VAPB: variants seen among roughly 807,000 people sequenced by gnomAD.
VAPB encodes VAMP associated protein B and C, also known as vesicle-associated membrane protein-associated protein B/C.
VAPB carries 7 observed loss-of-function variants against 25.6 expected under a neutral mutation model. That is an observed-to-expected ratio of 0.27 (90% CI 0.16 to 0.51). The LOEUF (loss-of-function observed/expected upper bound fraction) is 0.51, where lower values mean the gene tolerates loss of function less well. Among genes scored for constraint, VAPB ranks in the 20% least tolerant of loss-of-function variants. VAPB has a pLI of 0.97. For missense variants in VAPB, 266 were observed against 301.3 expected, an observed-to-expected ratio of 0.88 and a Z score of 0.87; for synonymous variants, 112 against 109.2, an observed-to-expected ratio of 1.03 and a Z score of -0.16.
In VAPB at chr20:58,450,315, A is replaced by G. The variant is rs1445112484; in HGVS notation, c.*6080A>G. The G allele has an allele frequency of 2.2e-6, 1 of 453,510 alleles. No homozygotes were observed. Among genetic ancestry groups the G allele is most frequent in the Non-Finnish European group, 4.4e-6 (1 of 226,614 alleles). The allele number at this position is 453,510 out of a possible 1,614,324, so 28.1% of individuals were successfully genotyped here. A position where few individuals can be genotyped will look rare whatever the true frequency, so the allele number is the denominator to read the frequency against. On this transcript the variant is annotated 3_prime_UTR_variant, in exon 6 of 6. Coordinates refer to ENST00000475243, the MANE Select transcript of VAPB (RefSeq NM_004738.5). ...GTACAAGAACTACTTTTTGCTTTTC[A>G]TCATTCACTCCTTAGCAAACGTTTC...
In VAPB at chr20:58,418,355, A is replaced by C; in HGVS notation, c.203A>C (p.Asn68Thr). 1.2e-6 allele frequency: 2 copies of C among 1,614,104 alleles called. No individual in the cohort carries two copies. The highest frequency in any genetic ancestry group is 2.2e-5 in the South Asian group (2 of 91,086). ...ATCATCGATGCAGGGGCCTCAATTA[A>C]TGTATCTGGTAAGTCCTGAGACTGG... is the stretch of plus-strand genomic sequence containing the variant. ...SGIIDAGASI[N>T]VSVMLQPFDY... The change falls in exon 2 of 6, where the codon AAT becomes ACT. Residue 68 changes from asparagine to threonine, a missense_variant. Around this residue, in one of 3 missense-constraint regions of VAPB, gnomAD observed 98 missense variants for 147.1 expected, o/e 0.67. Coordinates refer to ENST00000475243, the MANE Select transcript of VAPB (RefSeq NM_004738.5).
At chr20:58,419,347 T>G (rs6026256) in intron 2 of VAPB, among the ~76,000 whole-genome samples, 42,356 of 151,942 alleles carry the variant, frequency 0.28, 6,150 homozygotes, top group African/African-American at 0.34. Context: ...CTGCATCTCG[T>G]CTCTCTCATT....
In VAPB at chr20:58,389,498, G is replaced by A. The variant is rs1369098871; in HGVS notation, c.39G>A (p.Gln13=). The A allele has an allele frequency of 6.3e-7, 1 of 1,593,446 alleles. No homozygotes were observed. Among genetic ancestry groups the A allele is most frequent in the Non-Finnish European group, 8.5e-7 (1 of 1,170,972 alleles). ...KVEQVLSLEP[Q]HELKFRGPFT... ...AGCAGGTCCTGAGCCTCGAGCCGCAGCACGAGCTCAAATTCCGAGGTAAGC... is the reference window on the plus strand; with the variant it reads ...AGCAGGTCCTGAGCCTCGAGCCGCAACACGAGCTCAAATTCCGAGGTAAGC... The change falls in exon 1 of 6, where the codon CAG becomes CAA. Residue 13 remains glutamine, a synonymous_variant. Transcript: ENST00000475243.
At chr20:58,415,286 A>G (rs549687727) in intron 1 of VAPB, among the ~76,000 whole-genome samples, 72 of 152,272 alleles carry the variant, frequency 4.7e-4, no homozygotes, top group Non-Finnish European at 8.4e-4. Context: ...CAGCATGTCA[A>G]GGAATTCATT....
chr20:58,411,383 G>A (rs1414734286), intron 1 of VAPB, among the ~76,000 whole-genome samples: 4 of 152,240 alleles, frequency 2.6e-5, no homozygotes, highest in Non-Finnish European at 5.9e-5. Context: ...CCGGGTTCAA[G>A]TGATCCTCCT....
In VAPB at chr20:58,450,269, T is replaced by C; in HGVS notation, c.*6034T>C. 1 of 452,732 alleles carries C rather than the reference T, an allele frequency of 2.2e-6. No individual in the cohort carries two copies. Among genetic ancestry groups the C allele is most frequent in the Non-Finnish European group, 4.4e-6 (1 of 225,844 alleles). 28.0% of individuals were successfully genotyped at this position (452,732 alleles called of 1,614,324 possible). A position where few individuals can be genotyped will look rare whatever the true frequency, so the allele number is the denominator to read the frequency against. ...TGAATTCAAAGGTCAGAATTTATTG[T>C]CTGTGATATTGAGACCATGTGTACA... On this transcript the variant is annotated 3_prime_UTR_variant, in exon 6 of 6. Transcript: ENST00000475243.
rs1300446112 is a variant in VAPB at position 58,389,516 on chromosome 20, A to C, written c.57A>C (p.Arg19=). ...AGCCGCAGCACGAGCTCAAATTCCG[A>C]GGTAAGCCCCAGAGGCCGCCACCTT... ...SLEPQHELKF[R]GPFTDVVTTN... Residue 19 remains arginine, a splice_region_variant and synonymous_variant, in exon 1 of 6, where the codon CGA becomes CGC. Coordinates refer to ENST00000475243, the MANE Select transcript of VAPB (RefSeq NM_004738.5). 2 of 1,586,720 alleles carry C rather than the reference A, an allele frequency of 1.3e-6. No individual in the cohort carries two copies. Among genetic ancestry groups the C allele is most frequent in the South Asian group, 2.3e-5 (2 of 86,560 alleles).
chr20:58,446,225 TATAAA>T lies in VAPB; in HGVS notation c.*1992_*1996del, dbSNP rs1568723503. On this transcript the variant is annotated 3_prime_UTR_variant, in exon 6 of 6. Coordinates refer to ENST00000475243, the MANE Select transcript of VAPB (RefSeq NM_004738.5). ...TTTTTCCCATGTGTCCCCCAGTACT[TATAAA>T]AGGGAGTGAAAAGACCGAGCTGTAA... 6.6e-6 allele frequency: 3 copies of T among 454,060 alleles called. No homozygotes were observed. The Admixed American group carries it at 7.0e-5, about 11-fold the overall frequency. The allele number at this position is 454,060 out of a possible 1,614,324, so 28.1% of individuals were successfully genotyped here.
chr20:58,433,791 G>A (rs957180406), intron 2 of VAPB, among the ~76,000 whole-genome samples: 1 of 152,258 alleles, frequency 6.6e-6, no homozygotes, highest in Admixed American at 6.5e-5. Flanking sequence ...CAAGGCCACA[G>A]TAGGCTTTCC....
At chr20:58,394,178 C>T (rs571721606) in intron 1 of VAPB, among the ~76,000 whole-genome samples, 1 of 152,274 alleles carries the variant, frequency 6.6e-6, no homozygotes, top group Admixed American at 6.5e-5. Flanking sequence ...AGTTGAGTAC[C>T]ACTTTTGGGA....
intron 5 of VAPB, among the ~76,000 whole-genome samples, chr20:58,442,888 C>T (rs781766029): frequency 1.3e-5 from 2 of 152,012 alleles, no homozygotes; most frequent in Admixed American, 6.5e-5. Flanking sequence ...TGGAAGGAAA[C>T]GAAGAAAAGA....
intron 2 of VAPB, among the ~76,000 whole-genome samples, chr20:58,420,633 A>G (rs1463259644): frequency 6.6e-6 from 1 of 152,170 alleles, no homozygotes; most frequent in African/African-American, 2.4e-5. Flanking sequence ...TATTTGGGGG[A>G]AAAAGTAGTT....
At chr20:58,407,600 C>T (rs993139269) in intron 1 of VAPB, among the ~76,000 whole-genome samples, 2 of 151,366 alleles carry the variant, frequency 1.3e-5, no homozygotes, top group African/African-American at 4.9e-5. Flanking sequence ...TAAAACTTCA[C>T]TAATAATTTA....
rs1042897739 is a variant in VAPB, at chr20:58,445,350, C to A, written c.*1115C>A. 2.2e-6 allele frequency: 1 copy of A among 454,466 alleles called. No homozygotes were observed. The highest frequency in any genetic ancestry group is 7.0e-5 in the East Asian group (1 of 14,386). 28.2% of individuals were successfully genotyped at this position (454,466 alleles called of 1,614,324 possible). The stretch of plus-strand genomic sequence containing the variant: ...TAGCCTGGAGTCAGGACAAATGGAT[C>A]GGGCTGCAGAGGGTTAGAAGCGAGG... On this transcript the variant is annotated 3_prime_UTR_variant, in exon 6 of 6. Coordinates refer to ENST00000475243, the MANE Select transcript of VAPB (RefSeq NM_004738.5).
At chr20:58,414,165 C>G (rs796314727) in intron 1 of VAPB, among the ~76,000 whole-genome samples, 2 of 91,184 alleles carry the variant, frequency 2.2e-5, no homozygotes, top group Non-Finnish European at 4.5e-5. Context: ...GGCGGCTGGC[C>G]GGGCGGGGGG....
intron 2 of VAPB, among the ~76,000 whole-genome samples, chr20:58,429,288 A>T (rs374701063): frequency 6.6e-6 from 1 of 152,214 alleles, no homozygotes; most frequent in Admixed American, 6.5e-5. Flanking sequence ...TCACCAATGC[A>T]TGTAGGCATC....
chr20:58,419,866 A>C (rs1454517809), intron 2 of VAPB, among the ~76,000 whole-genome samples: 1 of 152,184 alleles, frequency 6.6e-6, no homozygotes, highest in Admixed American at 6.5e-5. Flanking sequence ...TTTTATAGGA[A>C]GAATAGGGAA....
chr20:58,401,157 A>T (rs1019608207), intron 1 of VAPB, among the ~76,000 whole-genome samples: 24 of 152,318 alleles, frequency 1.6e-4, no homozygotes, highest in African/African-American at 5.5e-4. Context: ...TATTATTTTT[A>T]AAATGAATGC....
In VAPB at chr20:58,438,980, A is replaced by G. The variant is rs1326390893; in HGVS notation, c.351A>G (p.Ser117=). The change falls in exon 4 of 6, where the codon TCA becomes TCG. Residue 117 remains serine (S), a synonymous_variant. Transcript: ENST00000475243. ...CAAAACCGGAAGACCTTATGGATTC[A>G]AAACTTAGATGTGTGTTTGAATTGC... The part of the protein sequence containing the change: ...KEAKPEDLMD[S]KLRCVFELPA... The G allele has an allele frequency of 6.2e-7, 1 of 1,614,016 alleles. No individual in the cohort carries two copies. The highest frequency in any genetic ancestry group is 8.5e-7 in the Non-Finnish European group (1 of 1,179,990).
Sources: allele counts gnomAD v4.1 joint callset (sites outside exome capture counted in the v4.1 genomes callset), GRCh38; gene constraint gnomAD v4.1.1; regional missense constraint gnomAD v4.1.1; transcripts MANE v1.5; gene names NCBI Gene and HGNC (gene_info 2026-07-23, HGNC 2026-07-21).